Variants in SRSF4 observed in about 807,000 individuals in gnomAD.
SRSF4 encodes serine and arginine rich splicing factor 4, also known as serine/arginine-rich splicing factor 4.
SRSF4 carries 12 observed loss-of-function variants against 48.8 expected under a neutral mutation model. The ratio of observed to expected loss-of-function variants is 0.25; its 90% CI spans 0.16 to 0.40. SRSF4 has a LOEUF of 0.40. SRSF4 is among the 10% of genes least tolerant of loss of function. The pLI, the probability that SRSF4 is intolerant of heterozygous loss-of-function variation, is 1.00. For synonymous variants in SRSF4, 248 were observed against 232.5 expected (o/e 1.07, Z -0.61); for missense variants, 466 against 667.1 (o/e 0.70, Z 3.32).
intron 1 of SRSF4, chr1:29,171,237 T>C (rs893087586): frequency 2.6e-5 from 4 of 151,724 alleles, no homozygotes; most frequent in African/African-American, 9.7e-5. Flanking sequence ...AAAAATACCA[T>C]CTGTCTCACT....
At chr1:29,178,064 T>C (rs1165271462) in intron 1 of SRSF4, among the ~76,000 whole-genome samples, 1 of 151,802 alleles carries the variant, frequency 6.6e-6, no homozygotes, top group African/African-American at 2.4e-5. Flanking sequence ...CACACCCAGC[T>C]AATCTTTGTA....
At position 29,170,313 on chromosome 1, in the gene SRSF4, T is replaced by C. The variant is rs1672729110; in HGVS notation, c.108-9796A>G. 4.6e-5 allele frequency: 7 copies of C among 152,342 alleles called. No individual in the cohort carries two copies. In the South Asian group the frequency reaches 1.4e-3, roughly 32 times the overall value. The allele number at this position is 152,342 out of a possible 1,614,324, so 9.4% of individuals were successfully genotyped here. On this transcript the variant is annotated intron_variant, in intron 1 of 5. Transcript: ENST00000373795. ...AGAATAAAACTCTTGGGATTTAATA[T>C]AGAATTACTTTATCTGTTATTCCTA... is the stretch of plus-strand genomic sequence containing the variant.
At chr1:29,149,551 CA>C (rs1366240539) in intron 5 of SRSF4, among the ~76,000 whole-genome samples, 3 of 152,026 alleles carry the variant, frequency 2.0e-5, no homozygotes, top group East Asian at 3.9e-4. Context: ...CATGCTGGCA[CA>C]CGCCTGTAAA....
Position 29,160,492 on chromosome 1 carries a change from G to C in SRSF4, c.133C>G (p.Leu45Val), listed in dbSNP as rs144908499. The C allele has an allele frequency of 1.2e-6, 2 of 1,612,188 alleles. No individual in the cohort carries two copies. The highest frequency in any genetic ancestry group is 1.7e-5 in the Admixed American group (1 of 59,462). The part of the protein sequence containing the change: ...NGYGFVEFDD[L>V]RDADDAVYEL... ...TAAACAGCATCATCTGCATCACGCA[G>C]ATCATCAAACTCCACAAAACCATAT... The change falls in exon 2 of 6, where the codon CTG becomes GTG. Residue 45 changes from leucine to valine, a missense_variant. Physicochemically the swap from Leu to Val is conservative, Grantham distance 32 (BLOSUM62 1). Transcript: ENST00000373795.
intron 1 of SRSF4, among the ~76,000 whole-genome samples, chr1:29,179,096 G>C (rs1330412955): frequency 6.6e-6 from 1 of 151,734 alleles, no homozygotes; most frequent in African/African-American, 2.4e-5. Context: ...TCCTCTTATC[G>C]CTCCATCTTC....
intron 1 of SRSF4, among the ~76,000 whole-genome samples, chr1:29,164,069 T>C (rs1339827290): frequency 1.3e-5 from 2 of 152,240 alleles, no homozygotes; most frequent in East Asian, 3.8e-4. Context: ...CAGGCTGGAC[T>C]TGAACTCCTG....
chr1:29,160,281 A>G, intron 2 of SRSF4, 94 bp downstream of exon 2: 1 of 1,343,178 alleles, frequency 7.4e-7, no homozygotes, highest in Non-Finnish European at 9.9e-7. Flanking sequence ...CTTAAACATC[A>G]ATACGTTTAA....
intron 1 of SRSF4, chr1:29,172,855 T>C (rs1672764958): frequency 1.3e-5 from 2 of 151,976 alleles, no homozygotes; most frequent in Admixed American, 1.3e-4. Context: ...CAGCAAGAAT[T>C]AGGAGACCAA....
Position 29,148,866 on chromosome 1 carries a change from C to A in SRSF4, c.1029G>T (p.Arg343=). Residue 343 remains arginine, a synonymous_variant, in exon 6 of 6, where the codon CGG becomes CGT. Coordinates refer to ENST00000373795, the MANE Select transcript of SRSF4 (RefSeq NM_005626.5). ...RSRSKGGSRS[R]SRSRSKSKDK... ...CCTTGCTCTTGCTGCGGCTCCTGCT[C>A]CGGCTCCTGCTGCCCCCTTTGCTCC... 1 of 1,602,642 alleles carries A rather than the reference C, an allele frequency of 6.2e-7. No homozygotes were observed. Among genetic ancestry groups the A allele is most frequent in the Non-Finnish European group, 8.5e-7 (1 of 1,171,750 alleles).
At chr1:29,177,452 T>G (rs978128118) in intron 1 of SRSF4, among the ~76,000 whole-genome samples, 1 of 152,154 alleles carries the variant, frequency 6.6e-6, no homozygotes, top group Non-Finnish European at 1.5e-5. Context: ...CGGCTAACTT[T>G]GTATTTTTAG....
chr1:29,164,816 C>T (rs142685743), intron 1 of SRSF4, among the ~76,000 whole-genome samples: 1 of 152,328 alleles, frequency 6.6e-6, no homozygotes, highest in African/African-American at 2.4e-5. Flanking sequence ...CATGACCTCA[C>T]TATTCAATAC....
At chr1:29,149,739 A>G (rs1337007215) in intron 5 of SRSF4, among the ~76,000 whole-genome samples, 2 of 151,648 alleles carry the variant, frequency 1.3e-5, no homozygotes, top group East Asian at 3.9e-4. Flanking sequence ...AAGACTGGTC[A>G]CATGATTGAA....
chr1:29,176,183 C>T (rs1334963161), intron 1 of SRSF4, among the ~76,000 whole-genome samples: 3 of 151,960 alleles, frequency 2.0e-5, no homozygotes, highest in Admixed American at 6.6e-5. Flanking sequence ...ACCCAAAAGG[C>T]GGAAGTTGCA....
At chr1:29,177,893 ATTTTT>A (rs397979781) in intron 1 of SRSF4, among the ~76,000 whole-genome samples, 5 of 93,622 alleles carry the variant, frequency 5.3e-5, no homozygotes, top group Admixed American at 2.4e-4. Flanking sequence ...ATTACACAAG[ATTTTT>A]TTTTTTTTTT....
chr1:29,177,275 C>G (rs1179843966), intron 1 of SRSF4, among the ~76,000 whole-genome samples: 1 of 147,904 alleles, frequency 6.8e-6, no homozygotes, highest in East Asian at 1.9e-4. Flanking sequence ...CCTACAGTAA[C>G]TCTTTTTGTT....
intron 1 of SRSF4, among the ~76,000 whole-genome samples, chr1:29,161,442 C>G (rs113218800): frequency 2.1e-3 from 321 of 152,240 alleles, no homozygotes; most frequent in Non-Finnish European, 3.3e-3. Context: ...AGGAAAGTTA[C>G]AAGCAATTTC....
chr1:29,164,709 T>C (rs971000873), intron 1 of SRSF4, among the ~76,000 whole-genome samples: 2 of 152,048 alleles, frequency 1.3e-5, no homozygotes, highest in Admixed American at 6.6e-5. Flanking sequence ...CTAAGACAAA[T>C]GTAAAAACCC....
At position 29,148,221 on chromosome 1, in the gene SRSF4, G is replaced by A; in HGVS notation, c.*189C>T. On this transcript the variant is annotated 3_prime_UTR_variant, in exon 6 of 6. Transcript: ENST00000373795. ...ATTTTCAAAGAGAAAATTTTTTTCA[G>A]TCGAGCAGGAAGGCCTGGTGCCAGG... 1 of 856,362 alleles carries A rather than the reference G, an allele frequency of 1.2e-6. No homozygotes were observed. The highest frequency in any genetic ancestry group is 1.9e-6 in the Non-Finnish European group (1 of 526,804). 53.0% of individuals were successfully genotyped at this position (856,362 alleles called of 1,614,324 possible).
Position 29,148,626 on chromosome 1 carries a change from G to A in SRSF4, c.1269C>T (p.Ser423=), listed in dbSNP as rs1672344886. ...CACTCTCTCCTCGACCTTCCCTCTGGCTGGATTCAGACTTGGCATGTTCCC... is the reference window on the plus strand; with the variant it reads ...CACTCTCTCCTCGACCTTCCCTCTGACTGGATTCAGACTTGGCATGTTCCC... ...KEREHAKSES[S]QREGRGESEN... Residue 423 remains serine, a synonymous_variant, in exon 6 of 6, where the codon AGC becomes AGT. Coordinates refer to ENST00000373795, the MANE Select transcript of SRSF4 (RefSeq NM_005626.5). 6.2e-7 allele frequency: 1 copy of A among 1,613,936 alleles called. No individual in the cohort carries two copies. Among genetic ancestry groups the A allele is most frequent in the Non-Finnish European group, 8.5e-7 (1 of 1,179,990 alleles).
Sources: gnomAD v4.1 joint callset for allele counts (sites outside exome capture counted in the v4.1 genomes callset) on GRCh38, gnomAD v4.1.1 for gene constraint, MANE v1.5 for transcripts, NCBI Gene and HGNC (gene_info 2026-07-23, HGNC 2026-07-21) for gene names.